The following STK32B variants were observed in gnomAD, a reference collection of about 807,000 sequenced individuals.
STK32B encodes serine/threonine-protein kinase 32B.
Under a neutral mutation model 52.6 loss-of-function variants are expected in STK32B, and 43 were observed. The observed-to-expected ratio is 0.82, with a 90% CI of 0.64 to 1.05. STK32B has a LOEUF of 1.05. STK32B is among the 50% of genes least tolerant of loss of function. The pLI, the probability that STK32B is intolerant of heterozygous loss-of-function variation, is 0.00. For synonymous variants in STK32B, 238 were observed against 204.3 expected, an observed-to-expected ratio of 1.17 and a Z score of -1.41; for missense variants, 621 against 534.6, an observed-to-expected ratio of 1.16 and a Z score of -1.59.
At chr4:5,202,771 T>G (rs1722257114) in intron 3 of STK32B, among the ~76,000 whole-genome samples, 1 of 152,214 alleles carries the variant, frequency 6.6e-6, no homozygotes, top group Admixed American at 6.5e-5. Flanking sequence ...GTGTCATTGG[T>G]TCCATCCCCT....
intron 3 of STK32B, among the ~76,000 whole-genome samples, chr4:5,242,515 C>A (rs552639722): frequency 6.6e-6 from 1 of 152,202 alleles, no homozygotes; most frequent in East Asian, 1.9e-4. Context: ...AATTTTCTCC[C>A]ATTCTGTGGG....
chr4:5,096,331 T>C (rs1202206628), intron 1 of STK32B, among the ~76,000 whole-genome samples: 1 of 152,118 alleles, frequency 6.6e-6, no homozygotes, highest in Non-Finnish European at 1.5e-5. Context: ...TAAAATATTC[T>C]CTCCTCTCCT....
At chr4:5,362,980 C>G (rs1004258983) in intron 4 of STK32B, among the ~76,000 whole-genome samples, 9 of 152,218 alleles carry the variant, frequency 5.9e-5, no homozygotes, top group African/African-American at 2.2e-4. Context: ...TGCATGACAG[C>G]TACCATGACT....
chr4:5,084,387 C>T (rs1420672798), intron 1 of STK32B, among the ~76,000 whole-genome samples: 1 of 151,890 alleles, frequency 6.6e-6, no homozygotes, highest in Admixed American at 6.6e-5. Context: ...TGGTTAATAA[C>T]CTAGATAGTT....
intron 5 of STK32B, among the ~76,000 whole-genome samples, chr4:5,404,872 T>G (rs1737553757): frequency 1.3e-5 from 2 of 149,236 alleles, no homozygotes; most frequent in African/African-American, 5.0e-5. Flanking sequence ...GATTTTTTTT[T>G]TTTTTTTTTT....
chr4:5,324,099 A>G (rs1731714631), intron 3 of STK32B, among the ~76,000 whole-genome samples: 1 of 152,228 alleles, frequency 6.6e-6, no homozygotes, highest in Non-Finnish European at 1.5e-5. Flanking sequence ...CACACCTGTA[A>G]TCCTAGCACT....
At chr4:5,270,470 C>T (rs983023545) in intron 3 of STK32B, among the ~76,000 whole-genome samples, 1 of 152,088 alleles carries the variant, frequency 6.6e-6, no homozygotes, top group African/African-American at 2.4e-5. Flanking sequence ...TCCACTGACT[C>T]AAAGGCAGAT....
At chr4:5,382,298 A>G (rs1279794069) in intron 4 of STK32B, among the ~76,000 whole-genome samples, 1 of 152,234 alleles carries the variant, frequency 6.6e-6, no homozygotes, top group African/African-American at 2.4e-5. Context: ...TTCCTTGAGC[A>G]TAAGACTCCT....
At chr4:5,311,152 T>A (rs1324023895) in intron 3 of STK32B, among the ~76,000 whole-genome samples, 1 of 152,132 alleles carries the variant, frequency 6.6e-6, no homozygotes, top group Non-Finnish European at 1.5e-5. Context: ...ATAGAAAAAA[T>A]TCTGTACCAC....
intron 6 of STK32B, among the ~76,000 whole-genome samples, chr4:5,438,782 A>G (rs1156960659): frequency 6.6e-6 from 1 of 152,130 alleles, no homozygotes; most frequent in Admixed American, 6.6e-5. Context: ...TTCCCAGAGT[A>G]TGATATTCCC....
chr4:5,293,535 G>C (rs1339452877), intron 3 of STK32B, among the ~76,000 whole-genome samples: 4 of 152,136 alleles, frequency 2.6e-5, no homozygotes, highest in Non-Finnish European at 5.9e-5. Flanking sequence ...TTTCTCTAAT[G>C]ACCAGTGATA....
intron 11 of STK32B, among the ~76,000 whole-genome samples, chr4:5,495,994 G>A (rs1056725240): frequency 3.3e-5 from 5 of 152,202 alleles, no homozygotes; most frequent in African/African-American, 7.2e-5. Flanking sequence ...CTACTGGGGG[G>A]TGCCTCCCGG....
At chr4:5,381,921 T>C (rs1442625333) in intron 4 of STK32B, among the ~76,000 whole-genome samples, 2 of 151,886 alleles carry the variant, frequency 1.3e-5, no homozygotes, top group African/African-American at 2.4e-5. Context: ...TTTTAAGAAA[T>C]TGGCTTATGC....
chr4:5,399,955 G>C lies in STK32B; in HGVS notation c.472+1711G>C, dbSNP rs1238180314. The stretch of plus-strand genomic sequence containing the variant: ...TCTGCTTAGCTGTCTGGAAAGCAGG[G>C]GTCTGGAAGGCTGGGTTCCAGGCAG... On this transcript the variant is annotated intron_variant, in intron 5 of 11. Coordinates refer to ENST00000282908, the MANE Select transcript of STK32B (RefSeq NM_018401.3). The surrounding 1 kb of genome is among the most constrained non-coding windows in gnomAD (Gnocchi z 5.4). 6.6e-6 allele frequency among the ~76,000 whole-genome samples: 1 copy of C among 152,168 alleles called. No homozygotes were observed. The highest frequency in any genetic ancestry group is 2.4e-5 in the African/African-American group (1 of 41,422).
intron 3 of STK32B, among the ~76,000 whole-genome samples, chr4:5,297,144 C>T (rs1369426636): frequency 6.6e-6 from 1 of 152,176 alleles, no homozygotes; most frequent in East Asian, 1.9e-4. Flanking sequence ...GCAGAGATAT[C>T]CGCTATTAGT....
chr4:5,176,283 C>T (rs1040876975), intron 3 of STK32B, among the ~76,000 whole-genome samples: 14 of 152,252 alleles, frequency 9.2e-5, no homozygotes, highest in East Asian at 3.9e-4. Context: ...CTTTGGTTCA[C>T]GCATGGTGTG....
Position 5,460,212 on chromosome 4 carries a change from C to G in STK32B, c.893C>G (p.Pro298Arg), listed in dbSNP as rs766321055. ...GCGGTGTTCAAGAAGGCACTGATGC[C>G]CGGCTTTGTGCCCAATGTGAGTGGA... ...WDAVFKKALM[P>R]GFVPNKGRLN... Residue 298 changes from proline to arginine, a missense_variant, in exon 9 of 12, where the codon CCC becomes CGC. Physicochemically the swap from Pro to Arg is moderately radical, Grantham distance 103. Transcript: ENST00000282908. This position sits in a 1 kb window ranked among gnomAD's most constrained non-coding sequence, Gnocchi z 4.8. 34 of 1,612,922 alleles carry G rather than the reference C, an allele frequency of 2.1e-5. No individual in the cohort carries two copies. Among genetic ancestry groups the G allele is most frequent in the Non-Finnish European group, 2.8e-5 (33 of 1,179,414 alleles).
intron 9 of STK32B, 116 bp from the exon 10 acceptor site, chr4:5,466,587 A>G (rs937210488): frequency 1.8e-5 from 24 of 1,360,510 alleles, no homozygotes; most frequent in Non-Finnish European, 2.3e-5. Context: ...CGTGTATCCA[A>G]CAAGAGTAAG....
intron 11 of STK32B, among the ~76,000 whole-genome samples, chr4:5,476,191 C>T (rs1447950361): frequency 1.3e-5 from 2 of 152,060 alleles, no homozygotes; most frequent in African/African-American, 2.4e-5. Context: ...TGAGCCACTG[C>T]ACCCGGCCTC....
Sources: gnomAD v4.1 joint callset for allele counts (sites outside exome capture counted in the v4.1 genomes callset) on GRCh38, gnomAD v4.1.1 for gene constraint, Gnocchi (gnomAD v3.1) non-coding constraint, MANE v1.5 for transcripts, NCBI Gene and HGNC (gene_info 2026-07-23, HGNC 2026-07-21) for gene names.